TRANK1: variants seen among roughly 807,000 people sequenced by gnomAD.
TRANK1 encodes TPR and ankyrin repeat-containing protein 1.
Under a neutral mutation model 266.0 loss-of-function variants are expected in TRANK1, and 198 were observed. That is an observed-to-expected ratio of 0.74 (90% confidence interval 0.66 to 0.84). The LOEUF (loss-of-function observed/expected upper bound fraction) is 0.84, where lower values mean the gene tolerates loss of function less well. Ranked by LOEUF, TRANK1 falls within the 40% of genes least tolerant of loss-of-function variation. TRANK1 has a pLI of 0.00. For synonymous variants in TRANK1, 1,396 were observed against 1,384.1 expected (o/e 1.01, Z -0.19); for missense variants, 3,326 against 3,634.6 (o/e 0.92, Z 2.18).
intron 21 of TRANK1, chr3:36,834,559 AT>A (rs1164001815): frequency 9.4e-6 from 5 of 534,632 alleles, no homozygotes; most frequent in Admixed American, 3.6e-5. Flanking sequence ...GTGACACTGC[AT>A]CAAAGCTTAT....
At chr3:36,863,321 T>G (rs1001563373) in intron 10 of TRANK1, among the ~76,000 whole-genome samples, 1 of 152,192 alleles carries the variant, frequency 6.6e-6, no homozygotes, top group Non-Finnish European at 1.5e-5. Flanking sequence ...AAATAAGGTT[T>G]TATTTTCACA....
At chr3:36,865,295 G>T (rs1360332895) in intron 9 of TRANK1, among the ~76,000 whole-genome samples, 1 of 152,020 alleles carries the variant, frequency 6.6e-6, no homozygotes, top group Admixed American at 6.6e-5. Flanking sequence ...CAAAGTGCTG[G>T]GATTACAGGC....
In TRANK1 at chr3:36,855,333, C is replaced by A; in HGVS notation, c.4389G>T (p.Thr1463=). The A allele has an allele frequency of 6.2e-7, 1 of 1,614,026 alleles. No homozygotes were observed. The highest frequency in any genetic ancestry group is 1.1e-5 in the South Asian group (1 of 91,086). The stretch of plus-strand genomic sequence containing the variant: ...TCATGATGCTCTGGGCCGTGTCCCC[C>A]GTGAGGAACATAGAGTTGGGGTCAT... ...CINDPNSMFL[T]GDTAQSIMKG... is the part of the protein sequence containing the mutation. Residue 1463 remains threonine (T), a synonymous_variant, in exon 13 of 24, where the codon ACG becomes ACT. Coordinates refer to ENST00000645898, the MANE Select transcript of TRANK1 (RefSeq NM_001329998.2).
At chr3:36,902,037 G>C (rs1300495441) in intron 3 of TRANK1, among the ~76,000 whole-genome samples, 1 of 152,098 alleles carries the variant, frequency 6.6e-6, no homozygotes, top group Non-Finnish European at 1.5e-5. Flanking sequence ...CAATCTTTTG[G>C]CTTCCCTGGG....
intron 20 of TRANK1, 34 bp downstream of exon 20, chr3:36,838,338 T>C (rs1212112295): frequency 1.2e-6 from 2 of 1,610,782 alleles, no homozygotes; most frequent in Non-Finnish European, 1.7e-6. Flanking sequence ...GAAGCCCAGT[T>C]TTCCCTGGAG....
Position 36,856,617 on chromosome 3 carries a change from G to A in TRANK1, c.3105C>T (p.Asn1035=). The A allele has an allele frequency of 6.2e-7, 1 of 1,614,036 alleles. No homozygotes were observed. Among genetic ancestry groups the A allele is most frequent in the South Asian group, 1.1e-5 (1 of 91,080 alleles). ...NIMKFHSFST[N]MAFNILNDTT... is the part of the protein sequence containing the mutation. Reference sequence around the variant, plus strand: ...TGTCATTGAGGATGTTAAAGGCCATGTTGGTGCTGAAGCTGTGGAACTTCA... The same window carrying A: ...TGTCATTGAGGATGTTAAAGGCCATATTGGTGCTGAAGCTGTGGAACTTCA... The change falls in exon 13 of 24, where the codon AAC becomes AAT. Residue 1035 remains asparagine, a synonymous_variant. Transcript: ENST00000645898.
chr3:36,893,923 G>T (rs986900537), intron 5 of TRANK1, among the ~76,000 whole-genome samples: 3 of 146,420 alleles, frequency 2.0e-5, no homozygotes, highest in Admixed American at 6.9e-5. Flanking sequence ...CACTCTTGTT[G>T]CCCTGGCTAG....
chr3:36,938,985 A>C (rs2080460967), intron 1 of TRANK1, among the ~76,000 whole-genome samples: 1 of 151,690 alleles, frequency 6.6e-6, no homozygotes, highest in African/African-American at 2.4e-5. Flanking sequence ...AAAAATACAA[A>C]AATTAGTCGG....
Position 36,838,368 on chromosome 3 carries a change from A to C in TRANK1, c.5517+4T>G, listed in dbSNP as rs780004686. 6.2e-7 allele frequency: 1 copy of C among 1,613,798 alleles called. No individual in the cohort carries two copies. Among genetic ancestry groups the C allele is most frequent in the Non-Finnish European group, 8.5e-7 (1 of 1,179,854 alleles). ...CTGGAGCAGCAGCGGACTAGGAGCCATACCTTTCCCAGCCTCTCGCACAGC... is the reference window on the plus strand; with the variant it reads ...CTGGAGCAGCAGCGGACTAGGAGCCCTACCTTTCCCAGCCTCTCGCACAGC... On this transcript the variant is annotated splice_donor_region_variant and intron_variant, in intron 20 of 23. Coordinates refer to ENST00000645898, the MANE Select transcript of TRANK1 (RefSeq NM_001329998.2).
chr3:36,898,431 A>T (rs1017795186), intron 4 of TRANK1, among the ~76,000 whole-genome samples: 2 of 151,106 alleles, frequency 1.3e-5, no homozygotes, highest in African/African-American at 2.4e-5. Flanking sequence ...CCTGGGCAAC[A>T]AGACTGAAAA....
chr3:36,832,297 A>G lies in TRANK1; in HGVS notation c.7286T>C (p.Leu2429Pro). The G allele has an allele frequency of 6.2e-7, 1 of 1,614,012 alleles. No homozygotes were observed. Among genetic ancestry groups the G allele is most frequent in the Non-Finnish European group, 8.5e-7 (1 of 1,179,898 alleles). ...VYRNPEDYKR[L>P]FFRFMNVLIK... ...GAGGACATTCATGAAACGGAAAAAGAGCCTCTTGTAGTCTTCTGGGTTCCT... is the reference window on the plus strand; with the variant it reads ...GAGGACATTCATGAAACGGAAAAAGGGCCTCTTGTAGTCTTCTGGGTTCCT... The change falls in exon 22 of 24, where the codon CTC becomes CCC. Residue 2429 changes from leucine to proline, a missense_variant. Transcript: ENST00000645898.
At chr3:36,942,036 C>CCT (rs1278163028) in intron 1 of TRANK1, among the ~76,000 whole-genome samples, 3 of 152,186 alleles carry the variant, frequency 2.0e-5, no homozygotes, top group African/African-American at 7.2e-5. Context: ...TTAAAATCCT[C>CCT]CTCTTCAGAT....
intron 9 of TRANK1, among the ~76,000 whole-genome samples, chr3:36,868,727 A>G (rs2079262520): frequency 6.6e-6 from 1 of 152,260 alleles, no homozygotes; most frequent in Non-Finnish European, 1.5e-5. Context: ...AAATTTTCTA[A>G]GTATATAAAA....
rs779968527 is a variant in TRANK1 at position 36,857,550 on chromosome 3, C to T, written c.2172G>A (p.Arg724=). The change falls in exon 13 of 24, where the codon AGG becomes AGA. Residue 724 remains arginine (R), a synonymous_variant. Coordinates refer to ENST00000645898, the MANE Select transcript of TRANK1 (RefSeq NM_001329998.2). This position sits in a 1 kb window ranked among gnomAD's most constrained non-coding sequence, Gnocchi z 4.3. ...TAAGGCAGTCTCTCAGCGAGCAGGG[C>T]CTGAGAGCTCCAGGCTCCTTCCTGG... ...QVTRKEPGAL[R]PCSLRDCLMQ... 6.2e-7 allele frequency: 1 copy of T among 1,614,054 alleles called. No homozygotes were observed. The highest frequency in any genetic ancestry group is 8.5e-7 in the Non-Finnish European group (1 of 1,179,894).
chr3:36,831,365 C>T lies in TRANK1; in HGVS notation c.8218G>A (p.Val2740Met). The T allele has an allele frequency of 6.2e-7, 1 of 1,613,444 alleles. No individual in the cohort carries two copies. Among genetic ancestry groups the T allele is most frequent in the South Asian group, 1.1e-5 (1 of 90,946 alleles). ...CTGACACGCTCCATCTGGGTGCCCA[C>T]TCTTCTCCTCCAACTGATGCACAGA... ...VSLCISWRRR[V>M]GTQMERVREE... The change falls in exon 22 of 24, where the codon GTG becomes ATG. Residue 2740 changes from valine (V) to methionine (M), a missense_variant. Coordinates refer to ENST00000645898, the MANE Select transcript of TRANK1 (RefSeq NM_001329998.2). This position sits in a 1 kb window ranked among gnomAD's most constrained non-coding sequence, Gnocchi z 5.0.
rs764277710 is a variant in TRANK1, at chr3:36,833,178, C to G, written c.6405G>C (p.Gly2135=). 1.2e-6 allele frequency: 2 copies of G among 1,613,678 alleles called. No individual in the cohort carries two copies. Among genetic ancestry groups the G allele is most frequent in the South Asian group, 2.2e-5 (2 of 91,044 alleles). The change falls in exon 22 of 24, where the codon GGG becomes GGC. Residue 2135 remains glycine, a synonymous_variant. Transcript: ENST00000645898. ...GGTCAAAAATTATTCTTAATATGGG[C>G]CCAGGGTCATTCTGAGCTATCTGGC... The part of the protein sequence containing the change: ...KYCQIAQNDP[G]PILRIIFDLD...
At position 36,923,750 on chromosome 3, in the gene TRANK1, C is replaced by A. The variant is rs562531239; in HGVS notation, c.24-15296G>T. ...CATGGAGGCAACTGCAGGTCTCCGGCAGGAGCTACACTCTGGTGGGACTGA... is the reference window on the plus strand; with the variant it reads ...CATGGAGGCAACTGCAGGTCTCCGGAAGGAGCTACACTCTGGTGGGACTGA... On this transcript the variant is annotated intron_variant, in intron 1 of 23. Coordinates refer to ENST00000645898, the MANE Select transcript of TRANK1 (RefSeq NM_001329998.2). Among the ~76,000 whole-genome samples, 150 of 152,202 alleles carry A rather than the reference C, an allele frequency of 9.9e-4. 1 individual carries two copies. The highest frequency in any genetic ancestry group is 3.5e-3 in the African/African-American group (144 of 41,526).
In TRANK1 at chr3:36,857,758, C is replaced by T. The variant is rs776744438; in HGVS notation, c.1964G>A (p.Arg655Lys). 2 of 1,614,016 alleles carry T rather than the reference C, an allele frequency of 1.2e-6. No homozygotes were observed. The highest frequency in any genetic ancestry group is 8.5e-7 in the Non-Finnish European group (1 of 1,179,906). The part of the protein sequence containing the change: ...WNKALMENRR[R>K]SRQDSAAHLG... ...GTGGGCAGCAGAGTCCTGCCGGCTCCTCCTCCTGTTCTCCATCAGAGCTTT... is the reference window on the plus strand; with the variant it reads ...GTGGGCAGCAGAGTCCTGCCGGCTCTTCCTCCTGTTCTCCATCAGAGCTTT... Residue 655 changes from arginine to lysine, a missense_variant, in exon 13 of 24, where the codon AGG becomes AAG. Coordinates refer to ENST00000645898, the MANE Select transcript of TRANK1 (RefSeq NM_001329998.2). The surrounding 1 kb of genome is among the most constrained non-coding windows in gnomAD (Gnocchi z 4.3).
At chr3:36,929,394 G>A (rs2080331330) in intron 1 of TRANK1, 1 of 152,164 alleles carries the variant, frequency 6.6e-6, no homozygotes. Context: ...GAGATTACAG[G>A]CGTGAGTGAC....
Sources: allele counts gnomAD v4.1 joint callset (sites outside exome capture counted in the v4.1 genomes callset), GRCh38; gene constraint gnomAD v4.1.1; non-coding constraint Gnocchi (gnomAD v3.1); transcripts MANE v1.5; gene names NCBI Gene and HGNC (gene_info 2026-07-23, HGNC 2026-07-21).